Variants in RARB observed in about 807,000 individuals in gnomAD.
The protein encoded by RARB is retinoic acid receptor beta, also known as HBV-activated protein.
A neutral mutation model predicts 51.9 loss-of-function variants in RARB; 17 were observed. The observed-to-expected ratio is 0.33, with a 90% CI of 0.22 to 0.49. The LOEUF is 0.49. Ranked by LOEUF, RARB falls within the 20% of genes least tolerant of loss-of-function variation. The pLI is 0.99. For missense variants in RARB, 369 were observed against 550.8 expected (o/e 0.67, Z 3.30); for synonymous variants, 215 against 195.4 (o/e 1.10, Z -0.84).
chr3:25,547,772 G>C (rs983618655), intron 3 of RARB, among the ~76,000 whole-genome samples: 1 of 152,210 alleles, frequency 6.6e-6, no homozygotes, highest in African/African-American at 2.4e-5. Context: ...AGAAGGCAGA[G>C]AGGGAAGAAA....
intron 3 of RARB, among the ~76,000 whole-genome samples, chr3:25,092,110 C>T (rs1312696080): frequency 3.9e-5 from 6 of 152,094 alleles, no homozygotes; most frequent in African/African-American, 1.2e-4. Context: ...GAAACAAGTG[C>T]TTTTACAGCC....
chr3:24,835,749 C>T (rs574171648), intron 1 of RARB, among the ~76,000 whole-genome samples: 65 of 152,258 alleles, frequency 4.3e-4, no homozygotes, highest in African/African-American at 1.4e-3. Flanking sequence ...AATGATAGAG[C>T]GCTGTCGAGA....
intron 5 of RARB, among the ~76,000 whole-genome samples, chr3:25,339,678 A>G (rs1705166080): frequency 6.6e-6 from 1 of 151,924 alleles, no homozygotes; most frequent in Non-Finnish European, 1.5e-5. Flanking sequence ...ACAAAGGCAC[A>G]GGGATCTTGC....
At chr3:25,170,951 G>C (rs1700635299) in intron 4 of RARB, among the ~76,000 whole-genome samples, 1 of 152,002 alleles carries the variant, frequency 6.6e-6, no homozygotes, top group Non-Finnish European at 1.5e-5. Flanking sequence ...CTGGCGTTTT[G>C]TTTATCAAAG....
At chr3:25,508,211 T>C (rs949968146) in intron 3 of RARB, among the ~76,000 whole-genome samples, 1 of 152,238 alleles carries the variant, frequency 6.6e-6, no homozygotes, top group African/African-American at 2.4e-5. Context: ...ATTGACACCT[T>C]CTCATTTGGG....
chr3:25,433,226 A>G (rs543250601), intron 1 of RARB, among the ~76,000 whole-genome samples: 2 of 152,312 alleles, frequency 1.3e-5, no homozygotes, highest in East Asian at 1.9e-4. Context: ...CCCACTTTCA[A>G]ATATCCTGCA....
intron 1 of RARB, among the ~76,000 whole-genome samples, chr3:24,836,629 C>T (rs1575029424): frequency 6.6e-6 from 1 of 152,154 alleles, no homozygotes; most frequent in Admixed American, 6.5e-5. Flanking sequence ...GATCTGGCCC[C>T]TGTTATCTCT....
intron 5 of RARB, among the ~76,000 whole-genome samples, chr3:25,238,238 A>C (rs1442437717): frequency 1.3e-5 from 2 of 151,936 alleles, no homozygotes. Context: ...CCTACATATG[A>C]ATGAAAACAT....
intron 5 of RARB, among the ~76,000 whole-genome samples, chr3:25,305,979 A>G (rs923554919): frequency 5.9e-5 from 9 of 152,204 alleles, no homozygotes; most frequent in Middle Eastern, 3.2e-3. Flanking sequence ...GAAAGACACC[A>G]TCTAATCTGC....
intron 3 of RARB, among the ~76,000 whole-genome samples, chr3:25,547,881 T>C (rs1699679707): frequency 1.3e-5 from 2 of 152,306 alleles, no homozygotes; most frequent in South Asian, 4.1e-4. Context: ...ATAATGATTT[T>C]ACATAAGTCA....
At chr3:25,394,472 A>T (rs1267203850) in intron 5 of RARB, among the ~76,000 whole-genome samples, 4 of 152,144 alleles carry the variant, frequency 2.6e-5, no homozygotes, top group Admixed American at 2.6e-4. Context: ...TGTGTTGATG[A>T]CCTATCTAGC....
chr3:25,321,550 T>C (rs572473334), intron 5 of RARB, among the ~76,000 whole-genome samples: 1 of 151,992 alleles, frequency 6.6e-6, no homozygotes, highest in African/African-American at 2.4e-5. Context: ...AAACCCCTTC[T>C]CTACTAAAAA....
At chr3:25,242,628 C>T (rs934578574) in intron 5 of RARB, among the ~76,000 whole-genome samples, 8 of 151,970 alleles carry the variant, frequency 5.3e-5, no homozygotes, top group South Asian at 4.2e-4. Flanking sequence ...AGATGTGTGG[C>T]GTTATTTCTG....
intron 5 of RARB, among the ~76,000 whole-genome samples, chr3:25,262,155 C>A (rs1258239111): frequency 6.6e-6 from 1 of 152,146 alleles, no homozygotes; most frequent in East Asian, 1.9e-4. Context: ...CATTTCATTT[C>A]TCAAACTGTG....
At chr3:25,439,071 G>A (rs1010734023) in intron 1 of RARB, among the ~76,000 whole-genome samples, 3 of 152,160 alleles carry the variant, frequency 2.0e-5, no homozygotes, top group Non-Finnish European at 2.9e-5. Flanking sequence ...GATGAGAGAT[G>A]GGAAACTGGG....
chr3:24,908,559 T>G (rs1327246354), intron 2 of RARB, among the ~76,000 whole-genome samples: 2 of 152,062 alleles, frequency 1.3e-5, no homozygotes, highest in Admixed American at 6.6e-5. Flanking sequence ...AATGCTTTCT[T>G]GAAGAGCAGA....
chr3:25,472,988 A>C (rs1695771610), intron 2 of RARB, among the ~76,000 whole-genome samples: 1 of 152,204 alleles, frequency 6.6e-6, no homozygotes, highest in Non-Finnish European at 1.5e-5. Flanking sequence ...TCCATGGAAC[A>C]CCAGATGAAA....
intron 3 of RARB, among the ~76,000 whole-genome samples, chr3:25,120,844 G>A (rs551436359): frequency 1.3e-5 from 2 of 152,188 alleles, no homozygotes; most frequent in East Asian, 1.9e-4. Context: ...GGCTGCCAAA[G>A]TTTCACTGCA....
At chr3:25,169,334 C>T (rs1700606365) in intron 4 of RARB, among the ~76,000 whole-genome samples, 1 of 152,218 alleles carries the variant, frequency 6.6e-6, no homozygotes, top group Non-Finnish European at 1.5e-5. Flanking sequence ...AGAAGCCAAT[C>T]AGCCCTGGAG....
Sources: gnomAD v4.1 joint callset for allele counts (sites outside exome capture counted in the v4.1 genomes callset) on GRCh38, gnomAD v4.1.1 for gene constraint, MANE v1.5 for transcripts, NCBI Gene and HGNC (gene_info 2026-07-23, HGNC 2026-07-21) for gene names.